The following RAP1A variants were observed in gnomAD, a reference collection of about 807,000 sequenced individuals.
The protein encoded by RAP1A is RAP1A, member of RAS oncogene family.
Under a neutral mutation model 26.4 loss-of-function variants are expected in RAP1A, and 6 were observed. The observed-to-expected ratio is 0.23, with a 90% CI of 0.12 to 0.45. The LOEUF (loss-of-function observed/expected upper bound fraction) is 0.45, where lower values mean the gene tolerates loss of function less well. RAP1A is among the 20% of genes least tolerant of loss of function. RAP1A has a pLI of 0.99. For synonymous variants in RAP1A, 73 were observed against 79.4 expected, an observed-to-expected ratio of 0.92 and a Z score of 0.43; for missense variants, 121 against 217.2, an observed-to-expected ratio of 0.56 and a Z score of 2.78.
At chr1:111,651,697 G>A (rs950611948) in intron 1 of RAP1A, among the ~76,000 whole-genome samples, 11 of 151,872 alleles carry the variant, frequency 7.2e-5, no homozygotes, top group Non-Finnish European at 1.0e-4. Context: ...GGCTGGTCTT[G>A]AACTCCTGAC....
intron 4 of RAP1A, among the ~76,000 whole-genome samples, chr1:111,699,668 C>T (rs963763745): frequency 1.3e-5 from 2 of 151,156 alleles, no homozygotes; most frequent in Non-Finnish European, 2.9e-5. Flanking sequence ...CAGGGTCTCA[C>T]TATATTGTCC....
chr1:111,690,874 C>T (rs954260871), intron 1 of RAP1A, among the ~76,000 whole-genome samples: 1 of 152,066 alleles, frequency 6.6e-6, no homozygotes, highest in Non-Finnish European at 1.5e-5. Context: ...AATGGTTCAG[C>T]TATAATACAA....
At chr1:111,558,783 G>A (rs7533936) in intron 1 of RAP1A, among the ~76,000 whole-genome samples, 16,145 of 152,028 alleles carry the variant, frequency 0.11, 2,183 homozygotes, top group African/African-American at 0.31. Flanking sequence ...CAAAAAAATT[G>A]ACAAATACAC....
chr1:111,548,553 G>A (rs979322750), intron 1 of RAP1A, among the ~76,000 whole-genome samples: 23 of 152,180 alleles, frequency 1.5e-4, no homozygotes, highest in Admixed American at 5.9e-4. Flanking sequence ...TTAATTTTTC[G>A]GTCAGAACTG....
intron 1 of RAP1A, among the ~76,000 whole-genome samples, chr1:111,620,342 T>A (rs763683149): frequency 3.3e-4 from 50 of 152,270 alleles, no homozygotes; most frequent in Non-Finnish European, 5.0e-4. Flanking sequence ...CTGAGAGAAG[T>A]AGAAGGTTGG....
At chr1:111,543,908 G>A (rs774721382) in intron 1 of RAP1A, among the ~76,000 whole-genome samples, 12 of 152,178 alleles carry the variant, frequency 7.9e-5, no homozygotes, top group Non-Finnish European at 1.5e-4. Flanking sequence ...GATAGGCAAA[G>A]ATGGGGCTCT....
chr1:111,607,935 A>G (rs1336945105), intron 1 of RAP1A, among the ~76,000 whole-genome samples: 104 of 85,862 alleles, frequency 1.2e-3, no homozygotes, highest in Middle Eastern at 0.013. Context: ...TTCCCAGTAG[A>G]GGCGGCAGGG....
chr1:111,683,234 C>T (rs1174176834), intron 1 of RAP1A, among the ~76,000 whole-genome samples: 2 of 152,170 alleles, frequency 1.3e-5, no homozygotes, highest in African/African-American at 4.8e-5. Flanking sequence ...CTAATATCAA[C>T]ACCCTAGCAT....
At chr1:111,613,571 T>C (rs1658963624) in intron 1 of RAP1A, among the ~76,000 whole-genome samples, 1 of 152,160 alleles carries the variant, frequency 6.6e-6, no homozygotes, top group African/African-American at 2.4e-5. Context: ...GAGGAGAAGT[T>C]GGGCAGTAAG....
At chr1:111,681,920 G>GA (rs1661308890) in intron 1 of RAP1A, among the ~76,000 whole-genome samples, 1 of 152,084 alleles carries the variant, frequency 6.6e-6, no homozygotes, top group Non-Finnish European at 1.5e-5. Context: ...TGAAACGAAG[G>GA]AAAAAACGTT....
intron 1 of RAP1A, among the ~76,000 whole-genome samples, chr1:111,667,646 C>T (rs953980413): frequency 6.6e-5 from 10 of 150,724 alleles, no homozygotes; most frequent in African/African-American, 2.4e-4. Flanking sequence ...CGCGCCATCA[C>T]ACTCCAGCCT....
chr1:111,685,821 A>G (rs564202812), intron 1 of RAP1A, among the ~76,000 whole-genome samples: 7 of 152,362 alleles, frequency 4.6e-5, no homozygotes, highest in African/African-American at 1.7e-4. Context: ...AGACACATGC[A>G]CACATATGTT....
intron 1 of RAP1A, among the ~76,000 whole-genome samples, chr1:111,611,257 T>C (rs557441087): frequency 6.6e-6 from 1 of 152,350 alleles, no homozygotes; most frequent in African/African-American, 2.4e-5. Flanking sequence ...CTGGAAATTT[T>C]GTGCTTAGGA....
intron 1 of RAP1A, among the ~76,000 whole-genome samples, chr1:111,583,120 T>C (rs547110828): frequency 5.9e-5 from 9 of 152,120 alleles, no homozygotes; most frequent in Non-Finnish European, 1.3e-4. Context: ...CAGGCACAGA[T>C]CACCACTGAA....
At chr1:111,629,235 A>G (rs532092839) in intron 1 of RAP1A, among the ~76,000 whole-genome samples, 64 of 152,276 alleles carry the variant, frequency 4.2e-4, no homozygotes, top group African/African-American at 1.4e-3. Flanking sequence ...GTTTAGAAAA[A>G]CATTACTTTT....
At chr1:111,641,333 C>G (rs1232653730) in intron 1 of RAP1A, among the ~76,000 whole-genome samples, 1 of 152,050 alleles carries the variant, frequency 6.6e-6, no homozygotes, top group Non-Finnish European at 1.5e-5. Context: ...CTGTTCTTAC[C>G]ACTCTTCTCC....
upstream of RAP1A, among the ~76,000 whole-genome samples, chr1:111,615,639 T>A (rs1241971133): frequency 2.8e-4 from 43 of 152,012 alleles, no homozygotes; most frequent in Admixed American, 2.8e-3. Flanking sequence ...GAGACCATCC[T>A]GGCCAACATG....
intron 6 of RAP1A, among the ~76,000 whole-genome samples, chr1:111,708,743 AGAT>A (rs1197952344): frequency 1.3e-5 from 2 of 152,338 alleles, no homozygotes; most frequent in Admixed American, 6.5e-5. Context: ...GTCTACTCTC[AGAT>A]GATTCAGAAA....
At position 111,568,720 on chromosome 1, in the gene RAP1A, A is replaced by G. The variant is rs115829526; in HGVS notation, c.-28+26211A>G. Among the ~76,000 whole-genome samples the G allele has an allele frequency of 1.1e-3, 163 of 152,246 alleles. 1 individual carries two copies. Among genetic ancestry groups the G allele is most frequent in the Middle Eastern group, 6.8e-3 (2 of 294 alleles). On this transcript the variant is annotated intron_variant, in intron 1 of 7. Transcript: ENST00000356415. The stretch of plus-strand genomic sequence containing the variant: ...GTCCACTCACATGCAGATTTTTTCA[A>G]TAAAAGTTACACTGAGTATGCCTGC...
Sources: gnomAD v4.1 joint callset for allele counts (sites outside exome capture counted in the v4.1 genomes callset) on GRCh38, gnomAD v4.1.1 for gene constraint, MANE v1.5 for transcripts, NCBI Gene and HGNC (gene_info 2026-07-23, HGNC 2026-07-21) for gene names.